TNFSF4: variants seen among roughly 807,000 people sequenced by gnomAD.
TNFSF4 encodes the protein TNF superfamily member 4, also known as tumor necrosis factor ligand superfamily member 4.
Under a neutral mutation model 7.3 loss-of-function variants are expected in TNFSF4, and 4 were observed. The observed-to-expected ratio is 0.55, with a 90% CI of 0.27 to 1.25. The LOEUF (loss-of-function observed/expected upper bound fraction) is 1.25, where lower values mean the gene tolerates loss of function less well. Ranked by LOEUF, TNFSF4 falls within the 50% of genes most tolerant of loss-of-function variation. TNFSF4 has a pLI of 0.12. For missense variants in TNFSF4, 181 were observed against 208.8 expected (o/e 0.87, Z 0.82); for synonymous variants, 76 against 83.7 (o/e 0.91, Z 0.50).
At chr1:173,265,752 G>A in the TNFSF4 span, among the ~76,000 whole-genome samples, 4 of 151,952 alleles carry the variant, frequency 2.6e-5, no homozygotes, top group Non-Finnish European at 5.9e-5. Flanking sequence ...CAATTCGACT[G>A]GGAATGATAT....
chr1:173,404,634 A>T, the TNFSF4 span, among the ~76,000 whole-genome samples: 2 of 143,244 alleles, frequency 1.4e-5, no homozygotes, highest in African/African-American at 5.2e-5. Context: ...CCTGACTGCC[A>T]TTTTTTTTTT....
chr1:173,174,848 A>T, the TNFSF4 span, among the ~76,000 whole-genome samples: 16 of 152,300 alleles, frequency 1.1e-4, no homozygotes, highest in South Asian at 3.1e-3. Flanking sequence ...ACTTCTATAG[A>T]ATTTTCAATA....
the TNFSF4 span, among the ~76,000 whole-genome samples, chr1:173,323,649 A>G: frequency 6.6e-6 from 1 of 152,226 alleles, no homozygotes; most frequent in Non-Finnish European, 1.5e-5. Context: ...AGAATAACCA[A>G]TGAGGAGAAG....
At chr1:173,252,862 C>T in the TNFSF4 span, among the ~76,000 whole-genome samples, 2 of 152,198 alleles carry the variant, frequency 1.3e-5, no homozygotes, top group African/African-American at 2.4e-5. Context: ...ATTATACTTA[C>T]GATGTATTTA....
At chr1:173,216,795 C>T in the TNFSF4 span, among the ~76,000 whole-genome samples, 1 of 152,144 alleles carries the variant, frequency 6.6e-6, no homozygotes, top group South Asian at 2.1e-4. Context: ...AAACAAAAAC[C>T]TCTTCAGCTT....
chr1:173,173,502 T>A, the TNFSF4 span, among the ~76,000 whole-genome samples: 1 of 152,208 alleles, frequency 6.6e-6, no homozygotes, highest in Admixed American at 6.5e-5. Context: ...TAATTATTAA[T>A]AGGGCAAACA....
chr1:173,356,713 CATGCCTGGTT>C, the TNFSF4 span, among the ~76,000 whole-genome samples: 1 of 152,244 alleles, frequency 6.6e-6, no homozygotes, highest in Non-Finnish European at 1.5e-5. Context: ...CATGCCTGGT[CATGCCTGGTT>C]GCCAATTGCC....
chr1:173,338,162 T>TC, the TNFSF4 span, among the ~76,000 whole-genome samples: 1 of 152,006 alleles, frequency 6.6e-6, no homozygotes, highest in African/African-American at 2.4e-5. Flanking sequence ...ATGGTACCAT[T>TC]CCCCCACAGG....
the TNFSF4 span, among the ~76,000 whole-genome samples, chr1:173,439,689 G>A: frequency 6.6e-6 from 1 of 152,146 alleles, no homozygotes; most frequent in African/African-American, 2.4e-5. Context: ...TGACACCAGG[G>A]ACACAGGCTG....
chr1:173,193,300 C>A (rs10465507), intron 1 of TNFSF4, among the ~76,000 whole-genome samples: 47,911 of 151,976 alleles, frequency 0.32, 8,942 homozygotes, highest in African/African-American at 0.51. Context: ...AGTCTATAGA[C>A]TAAAGCTTCT....
chr1:173,266,937 C>T, the TNFSF4 span, among the ~76,000 whole-genome samples: 2 of 151,828 alleles, frequency 1.3e-5, no homozygotes, highest in African/African-American at 4.8e-5. Context: ...TCTTTTTAAC[C>T]CAGCTGTTAT....
At chr1:173,326,849 T>C in the TNFSF4 span, among the ~76,000 whole-genome samples, 3 of 152,106 alleles carry the variant, frequency 2.0e-5, no homozygotes, top group Admixed American at 6.6e-5. Context: ...TACAAACCAC[T>C]GCTCAATGAA....
the TNFSF4 span, among the ~76,000 whole-genome samples, chr1:173,350,677 C>A: frequency 6.6e-6 from 1 of 152,214 alleles, no homozygotes; most frequent in Non-Finnish European, 1.5e-5. Context: ...AATCCAGATT[C>A]TTGGTGCCTC....
At chr1:173,208,594 T>C (rs186899512), upstream of TNFSF4, among the ~76,000 whole-genome samples, 1 of 152,344 alleles carries the variant, frequency 6.6e-6, no homozygotes, top group East Asian at 1.9e-4. Flanking sequence ...ATTTAAGTTT[T>C]ATCTGAAAGA....
chr1:173,397,277 A>C, the TNFSF4 span, among the ~76,000 whole-genome samples: 1 of 152,214 alleles, frequency 6.6e-6, no homozygotes, highest in Admixed American at 6.5e-5. Context: ...TTTTGAATGA[A>C]GGGGAGGTCA....
chr1:173,392,348 G>A, the TNFSF4 span, among the ~76,000 whole-genome samples: 3 of 152,172 alleles, frequency 2.0e-5, no homozygotes, highest in African/African-American at 7.2e-5. Context: ...TTACTAGTCA[G>A]TTTGAAGAAA....
the TNFSF4 span, among the ~76,000 whole-genome samples, chr1:173,398,962 T>C: frequency 6.6e-6 from 1 of 152,144 alleles, no homozygotes; most frequent in Non-Finnish European, 1.5e-5. Flanking sequence ...ATAACTTCTG[T>C]CTTGTTGAGA....
At chr1:173,399,311 T>C in the TNFSF4 span, among the ~76,000 whole-genome samples, 2 of 152,192 alleles carry the variant, frequency 1.3e-5, no homozygotes, top group Non-Finnish European at 2.9e-5. Context: ...TGTTTACAGA[T>C]GATTCTGCAT....
At chr1:173,247,702 T>C in the TNFSF4 span, among the ~76,000 whole-genome samples, 1 of 152,234 alleles carries the variant, frequency 6.6e-6, no homozygotes, top group Non-Finnish European at 1.5e-5. Flanking sequence ...TCTACATGTC[T>C]TCAGTGATGT....
Sources: gnomAD v4.1 joint callset for allele counts (sites outside exome capture counted in the v4.1 genomes callset) on GRCh38, gnomAD v4.1.1 for gene constraint, MANE v1.5 for transcripts, NCBI Gene and HGNC (gene_info 2026-07-23, HGNC 2026-07-21) for gene names.